Variants in DNAJC13 observed in about 807,000 individuals in gnomAD.
DNAJC13 encodes DnaJ heat shock protein family (Hsp40) member C13.
DNAJC13 carries 75 observed loss-of-function variants against 290.5 expected under a neutral mutation model. The ratio of observed to expected loss-of-function variants is 0.26; its 90% CI spans 0.21 to 0.31. The LOEUF (loss-of-function observed/expected upper bound fraction) is 0.31. DNAJC13 is among the 10% of genes least tolerant of loss of function. The pLI is 1.00. For synonymous variants in DNAJC13, 862 were observed against 892.0 expected (o/e 0.97, Z 0.60); for missense variants, 2,260 against 2,674.5 (o/e 0.85, Z 3.42).
intron 2 of DNAJC13, among the ~76,000 whole-genome samples, chr3:132,442,517 C>G (rs1933104940): frequency 6.6e-6 from 1 of 152,170 alleles, no homozygotes; most frequent in African/African-American, 2.4e-5. Flanking sequence ...TTCAGATGAT[C>G]TTATCTCCAC....
chr3:132,514,888 CCAAAGGA>C, intron 46 of DNAJC13: 1 of 415,380 alleles, frequency 2.4e-6, no homozygotes, highest in Non-Finnish European at 4.3e-6. Flanking sequence ...AGGTCCAAAA[CCAAAGGA>C]AAATAACCTG....
intron 35 of DNAJC13, among the ~76,000 whole-genome samples, 156 bp from the exon 36 acceptor site, chr3:132,496,372 A>G (rs1935234435): frequency 6.6e-6 from 1 of 152,180 alleles, no homozygotes; most frequent in East Asian, 1.9e-4. Context: ...TTTCACCTTA[A>G]CAGTATACCA....
chr3:132,435,646 G>C (rs1455366564), intron 2 of DNAJC13, among the ~76,000 whole-genome samples: 2 of 151,950 alleles, frequency 1.3e-5, no homozygotes, highest in Admixed American at 1.3e-4. Context: ...TTTCCCCCTA[G>C]TTAGTTTCAA....
At chr3:132,463,545 T>A (rs1933876956) in intron 16 of DNAJC13, 151 bp from the exon 17 acceptor site, 1 of 626,806 alleles carries the variant, frequency 1.6e-6, no homozygotes, top group Non-Finnish European at 2.4e-6. Context: ...TACTCACCTA[T>A]TTTTTTTTGG....
chr3:132,503,641 G>C (rs943339991), intron 41 of DNAJC13, among the ~76,000 whole-genome samples: 1 of 152,128 alleles, frequency 6.6e-6, no homozygotes, highest in Admixed American at 6.6e-5. Context: ...AGTCACAAAG[G>C]GACAGGACGA....
rs1472482171 is a variant in DNAJC13, at chr3:132,538,260, G to A, written c.6710G>A (p.Gly2237Asp). 2 of 1,613,552 alleles carry A rather than the reference G, an allele frequency of 1.2e-6. No homozygotes were observed. Among genetic ancestry groups the A allele is most frequent in the Non-Finnish European group, 1.7e-6 (2 of 1,179,908 alleles). ...NLPPPVDHEAGDLGYQT is the reference protein window; with the variant it reads ...NLPPPVDHEADDLGYQT ...CCACCTCCTGTAGACCATGAGGCAG[G>A]CGACCTTGGCTATCAGACTTGAAAT... The change falls in exon 56 of 56, where the codon GGC becomes GAC. Residue 2237 changes from glycine to aspartate, a missense_variant. Gly to Asp is a moderately conservative substitution (Grantham distance 94). This residue lies in a region of DNAJC13 where 1,494 missense variants were observed against 1,693.7 expected (regional missense o/e 0.88). Coordinates refer to ENST00000260818, the MANE Select transcript of DNAJC13 (RefSeq NM_015268.4).
At chr3:132,535,452 A>G (rs1236447474) in intron 55 of DNAJC13, among the ~76,000 whole-genome samples, 1 of 152,210 alleles carries the variant, frequency 6.6e-6, no homozygotes, top group Non-Finnish European at 1.5e-5. Flanking sequence ...CTCATTATCC[A>G]GGGCCCTTGA....
chr3:132,491,169 G>T, intron 32 of DNAJC13, 118 bp downstream of exon 32: 1 of 872,120 alleles, frequency 1.1e-6, no homozygotes, highest in Non-Finnish European at 1.7e-6. Flanking sequence ...TAAAATGACA[G>T]TAATCATTGA....
chr3:132,495,278 C>A (rs756155770), intron 35 of DNAJC13, 112 bp downstream of exon 35: 7 of 768,734 alleles, frequency 9.1e-6, no homozygotes, highest in South Asian at 2.0e-5. Context: ...AATATATACT[C>A]AGTGTATGTT....
chr3:132,530,983 G>T lies in DNAJC13; in HGVS notation c.6526-15G>T. On this transcript the variant is annotated splice_polypyrimidine_tract_variant and intron_variant, in intron 54 of 55. Transcript: ENST00000260818. The stretch of plus-strand genomic sequence containing the variant: ...CCTTGATTTTATGTTCAAAGGGCTT[G>T]TTTTACTTTCCTAGGTGAATGAAAT... 6.2e-7 allele frequency: 1 copy of T among 1,609,698 alleles called. No individual in the cohort carries two copies. The highest frequency in any genetic ancestry group is 1.7e-5 in the Admixed American group (1 of 59,920).
chr3:132,531,016 C>T lies in DNAJC13; in HGVS notation c.6544C>T (p.Arg2182Cys), dbSNP rs759413457. The T allele has an allele frequency of 1.7e-5, 27 of 1,613,922 alleles. No homozygotes were observed. The highest frequency in any genetic ancestry group is 2.2e-5 in the Non-Finnish European group (26 of 1,179,854). ...TTCCTAGGTGAATGAAATCCTGTGC[C>T]GTTCTTCAGTCTGGAGTGCCTTCAA... Reference protein sequence around the residue: ...YGEQVNEILCRSSVWSAFKDQ... With the variant: ...YGEQVNEILCCSSVWSAFKDQ... Residue 2182 changes from arginine (R) to cysteine (C), a missense_variant, in exon 55 of 56, where the codon CGT becomes TGT. Physicochemically the swap from Arg to Cys is radical, Grantham distance 180. Around this residue, in one of 3 missense-constraint regions of DNAJC13, gnomAD observed 1,494 missense variants for 1,693.7 expected, o/e 0.88. Coordinates refer to ENST00000260818, the MANE Select transcript of DNAJC13 (RefSeq NM_015268.4).
chr3:132,510,970 T>C, intron 43 of DNAJC13, 97 bp from the exon 44 acceptor site: 1 of 1,321,460 alleles, frequency 7.6e-7, no homozygotes, highest in Admixed American at 2.0e-5. Flanking sequence ...AATTTAATCA[T>C]GTTTTATTCA....
intron 1 of DNAJC13, among the ~76,000 whole-genome samples, chr3:132,426,751 A>G (rs1939101873): frequency 6.6e-6 from 1 of 152,134 alleles, no homozygotes; most frequent in Admixed American, 6.5e-5. Context: ...ATTAATGTAC[A>G]GAGGAAATAT....
chr3:132,529,088 C>T (rs1055463825), intron 54 of DNAJC13, among the ~76,000 whole-genome samples: 2 of 152,110 alleles, frequency 1.3e-5, no homozygotes, highest in African/African-American at 4.8e-5. Context: ...CACCTCTGTA[C>T]CCATTCAGCA....
At chr3:132,535,727 A>G (rs1253925578) in intron 55 of DNAJC13, among the ~76,000 whole-genome samples, 3 of 152,078 alleles carry the variant, frequency 2.0e-5, no homozygotes, top group African/African-American at 7.2e-5. Context: ...ATCTTTTCTC[A>G]TTTCTCTGAA....
At chr3:132,479,048 G>A (rs1238435858) in intron 24 of DNAJC13, among the ~76,000 whole-genome samples, 179 bp from the exon 25 acceptor site, 1 of 152,110 alleles carries the variant, frequency 6.6e-6, no homozygotes, top group East Asian at 1.9e-4. Context: ...TATAAAGAAT[G>A]TAATTTTCAG....
intron 46 of DNAJC13, 28 bp downstream of exon 46, chr3:132,514,698 C>T: frequency 6.5e-7 from 1 of 1,535,996 alleles, no homozygotes; most frequent in South Asian, 1.1e-5. Context: ...ATTTTGGAAA[C>T]CACAGCAAGA....
At chr3:132,515,153 A>G (rs911781302) in intron 46 of DNAJC13, among the ~76,000 whole-genome samples, 4 of 152,182 alleles carry the variant, frequency 2.6e-5, no homozygotes, top group Admixed American at 1.3e-4. Context: ...CCTAATCTAT[A>G]TAATTACCTA....
At chr3:132,418,125 C>T (rs1265482663) in intron 1 of DNAJC13, among the ~76,000 whole-genome samples, 1 of 152,204 alleles carries the variant, frequency 6.6e-6, no homozygotes, top group African/African-American at 2.4e-5. Context: ...TCTGAGCACC[C>T]TTCCTGCTGG....
Sources: gnomAD v4.1 joint callset for allele counts (sites outside exome capture counted in the v4.1 genomes callset) on GRCh38, gnomAD v4.1.1 for gene constraint, gnomAD v4.1.1 regional missense constraint, MANE v1.5 for transcripts, NCBI Gene and HGNC (gene_info 2026-07-23, HGNC 2026-07-21) for gene names.